MGAT4C: variants seen among roughly 807,000 people sequenced by gnomAD.
MGAT4C encodes the protein alpha-1,3-mannosyl-glycoprotein 4-beta-N-acetylglucosaminyltransferase C.
In MGAT4C, 19 loss-of-function variants were observed where a neutral mutation model predicts 40.1. The observed-to-expected ratio is 0.47, with a 90% CI of 0.33 to 0.70. MGAT4C has a LOEUF of 0.70. Ranked by LOEUF, MGAT4C falls within the 30% of genes least tolerant of loss-of-function variation. The probability of loss-of-function intolerance (pLI) is 0.02; values close to 1 mark genes in which losing one functional copy is unlikely to be tolerated. For missense variants in MGAT4C, 491 were observed against 563.2 expected, an observed-to-expected ratio of 0.87 and a Z score of 1.30; for synonymous variants, 181 against 187.1, an observed-to-expected ratio of 0.97 and a Z score of 0.27.
At chr12:86,293,661 T>G (rs1015282440) in intron 4 of MGAT4C, among the ~76,000 whole-genome samples, 1 of 152,234 alleles carries the variant, frequency 6.6e-6, no homozygotes, top group Admixed American at 6.5e-5. Context: ...TGATATGGTT[T>G]GGCTCTGTGT....
chr12:86,279,908 T>A (rs1953171122), intron 4 of MGAT4C, among the ~76,000 whole-genome samples: 1 of 152,066 alleles, frequency 6.6e-6, no homozygotes, highest in African/African-American at 2.4e-5. Context: ...AGGAGCATAC[T>A]GTTTAATTTC....
intron 2 of MGAT4C, among the ~76,000 whole-genome samples, chr12:86,506,845 A>G (rs1211957231): frequency 1.3e-5 from 2 of 152,162 alleles, no homozygotes; most frequent in African/African-American, 4.8e-5. Flanking sequence ...AGTTAGATGA[A>G]GGCAGAAAGA....
chr12:86,222,603 A>G (rs1020129984), intron 1 of MGAT4C, among the ~76,000 whole-genome samples: 2 of 152,192 alleles, frequency 1.3e-5, no homozygotes, highest in Non-Finnish European at 2.9e-5. Flanking sequence ...AGCTAGCTCA[A>G]AGATGAACTA....
At chr12:86,356,423 G>A (rs1720982052) in intron 3 of MGAT4C, among the ~76,000 whole-genome samples, 1 of 152,154 alleles carries the variant, frequency 6.6e-6, no homozygotes, top group South Asian at 2.1e-4. Context: ...CAGAAGATGG[G>A]TGATTTTTGC....
intron 1 of MGAT4C, among the ~76,000 whole-genome samples, chr12:86,773,054 G>C (rs1951666263): frequency 6.6e-6 from 1 of 152,222 alleles, no homozygotes; most frequent in African/African-American, 2.4e-5. Context: ...CATGCTGTGG[G>C]CTGGGCTGAA....
At chr12:86,679,690 C>T (rs1163004086) in intron 2 of MGAT4C, among the ~76,000 whole-genome samples, 2 of 152,024 alleles carry the variant, frequency 1.3e-5, no homozygotes, top group Non-Finnish European at 2.9e-5. Flanking sequence ...GCTCCTTCTA[C>T]CATGTGAGGA....
chr12:86,818,569 T>G (rs111276631), intron 1 of MGAT4C, among the ~76,000 whole-genome samples: 2,005 of 151,186 alleles, frequency 0.013, 34 homozygotes, highest in African/African-American at 0.045. Context: ...CTAGAATTGA[T>G]AGAATTCTTG....
intron 2 of MGAT4C, among the ~76,000 whole-genome samples, chr12:86,450,342 G>C (rs1261477947): frequency 6.6e-6 from 1 of 151,688 alleles, no homozygotes; most frequent in Admixed American, 6.6e-5. Context: ...TTTTTATTAG[G>C]TTGTCTTTTC....
chr12:86,274,940 A>T (rs1413402905), intron 4 of MGAT4C, among the ~76,000 whole-genome samples: 2 of 152,230 alleles, frequency 1.3e-5, no homozygotes, highest in Non-Finnish European at 1.5e-5. Context: ...TCATGTCATC[A>T]GACTGCAAAG....
chr12:86,441,646 T>C (rs960868973), intron 2 of MGAT4C, among the ~76,000 whole-genome samples: 1 of 151,920 alleles, frequency 6.6e-6, no homozygotes, highest in Admixed American at 6.6e-5. Flanking sequence ...TGGTTTCCAG[T>C]TTCATCCATG....
chr12:86,834,511 T>A (rs1952997298), intron 1 of MGAT4C, among the ~76,000 whole-genome samples: 1 of 151,742 alleles, frequency 6.6e-6, no homozygotes, highest in African/African-American at 2.4e-5. Flanking sequence ...TATTTTTTAC[T>A]GCTTTACAAG....
At chr12:86,307,891 G>C (rs913937232) in intron 4 of MGAT4C, among the ~76,000 whole-genome samples, 8 of 150,190 alleles carry the variant, frequency 5.3e-5, no homozygotes, top group Admixed American at 3.3e-4. Context: ...TTTTAGTAGA[G>C]ACAGGGTTTC....
chr12:86,816,037 T>C (rs907551180), intron 1 of MGAT4C, among the ~76,000 whole-genome samples: 1 of 151,956 alleles, frequency 6.6e-6, no homozygotes, highest in African/African-American at 2.4e-5. Flanking sequence ...AATAATTTTA[T>C]TGTTTCTCTG....
intron 2 of MGAT4C, among the ~76,000 whole-genome samples, chr12:86,616,324 T>C (rs968481101): frequency 1.3e-5 from 2 of 152,146 alleles, no homozygotes; most frequent in Non-Finnish European, 2.9e-5. Context: ...AGAATAATTC[T>C]AGATTAGACA....
At chr12:86,540,715 GA>G (rs1397082301) in intron 2 of MGAT4C, among the ~76,000 whole-genome samples, 2 of 152,112 alleles carry the variant, frequency 1.3e-5, no homozygotes, top group African/African-American at 4.8e-5. Flanking sequence ...CAGCCTGAGT[GA>G]CAGAGTGAGA....
chr12:86,157,131 G>GAAAAA (rs61550017), intron 1 of MGAT4C, among the ~76,000 whole-genome samples: 1 of 151,380 alleles, frequency 6.6e-6, no homozygotes, highest in Non-Finnish European at 1.5e-5. Flanking sequence ...GGCAAAATAT[G>GAAAAA]AAAAAAAACA....
At chr12:86,742,847 T>C (rs1433981182) in intron 1 of MGAT4C, among the ~76,000 whole-genome samples, 7 of 151,656 alleles carry the variant, frequency 4.6e-5, no homozygotes, top group Admixed American at 2.6e-4. Flanking sequence ...ATCTTCCATC[T>C]TGATTAAATA....
chr12:86,706,864 T>A (rs556260201), intron 2 of MGAT4C, among the ~76,000 whole-genome samples: 2 of 152,168 alleles, frequency 1.3e-5, no homozygotes, highest in East Asian at 3.9e-4. Context: ...AGGGACCTGG[T>A]AGGAGGTAAT....
chr12:86,128,131 G>A (rs1382650396), intron 1 of MGAT4C, among the ~76,000 whole-genome samples: 1 of 152,094 alleles, frequency 6.6e-6, no homozygotes, highest in African/African-American at 2.4e-5. Context: ...AATGCTTGTC[G>A]TTCTGACAGC....
Sources: allele counts gnomAD v4.1 joint callset (sites outside exome capture counted in the v4.1 genomes callset), GRCh38; gene constraint gnomAD v4.1.1; transcripts MANE v1.5; gene names NCBI Gene and HGNC (gene_info 2026-07-23, HGNC 2026-07-21).